The following FUT8 variants were observed in gnomAD, a reference collection of about 807,000 sequenced individuals.
The protein encoded by FUT8 is fucosyltransferase 8.
In FUT8, 29 loss-of-function variants were observed where a neutral mutation model predicts 71.3. The ratio of observed to expected loss-of-function variants is 0.41; its 90% CI spans 0.30 to 0.55. FUT8 has a LOEUF of 0.55. FUT8 is among the 20% of genes least tolerant of loss of function. The pLI, the probability that FUT8 is intolerant of heterozygous loss-of-function variation, is 0.34. For synonymous variants in FUT8, 254 were observed against 239.3 expected, an observed-to-expected ratio of 1.06 and a Z score of -0.57; for missense variants, 544 against 702.1, an observed-to-expected ratio of 0.77 and a Z score of 2.55.
intron 7 of FUT8, among the ~76,000 whole-genome samples, chr14:65,717,128 C>T (rs1332509236): frequency 5.0e-5 from 7 of 140,670 alleles, no homozygotes; most frequent in African/African-American, 8.1e-5. Context: ...CGGGCAGAGG[C>T]GCTCCTCATT....
rs2229677 is a variant in FUT8, at chr14:65,561,728, A to T, written c.165A>T (p.Gln55His). Residue 55 changes from glutamine (Q) to histidine (H), a missense_variant, in exon 3 of 11, where the codon CAA becomes CAT. By Grantham distance (24) the Gln-to-His change is conservative (BLOSUM62 0). Transcript: ENST00000673929. ...TGGCAAAGCTTGAACGCTTAAAACA[A>T]CAGAATGAAGACTTGAGGCGAATGG... ...KILAKLERLK[Q>H]QNEDLRRMAE... 6.2e-7 allele frequency: 1 copy of T among 1,613,188 alleles called. No individual in the cohort carries two copies. The highest frequency in any genetic ancestry group is 8.5e-7 in the Non-Finnish European group (1 of 1,179,528).
chr14:65,654,279 C>G (rs1891552212), intron 6 of FUT8, among the ~76,000 whole-genome samples: 1 of 152,066 alleles, frequency 6.6e-6, no homozygotes. Flanking sequence ...ATAATTATCC[C>G]TAGATTAACT....
chr14:65,508,991 C>A (rs182940864), intron 2 of FUT8, among the ~76,000 whole-genome samples: 1 of 152,022 alleles, frequency 6.6e-6, no homozygotes, highest in Admixed American at 6.6e-5. Context: ...CTTAAGAAAT[C>A]ATTGCCCAGA....
At chr14:65,443,111 A>C (rs767006855) in intron 1 of FUT8, among the ~76,000 whole-genome samples, 3 of 152,156 alleles carry the variant, frequency 2.0e-5, no homozygotes, top group Non-Finnish European at 4.4e-5. Flanking sequence ...AAACTGTTCT[A>C]AAAAATGAAG....
Position 65,489,046 on chromosome 14 carries a change from G to A in FUT8, c.-228+33328G>A, listed in dbSNP as rs989144026. The stretch of plus-strand genomic sequence containing the variant: ...TGAGGCTCTCATGGTAAATGTGTCA[G>A]ATATAGTCAATATTTTAGTATTGTC... On this transcript the variant is annotated intron_variant, in intron 2 of 10. Coordinates refer to ENST00000673929, the MANE Select transcript of FUT8 (RefSeq NM_001371533.1). The surrounding 1 kb of genome is among the most constrained non-coding windows in gnomAD (Gnocchi z 4.0). Among the ~76,000 whole-genome samples the A allele has an allele frequency of 6.6e-6, 1 of 152,146 alleles. No homozygotes were observed. The highest frequency in any genetic ancestry group is 1.5e-5 in the Non-Finnish European group (1 of 68,012).
the FUT8 span, among the ~76,000 whole-genome samples, chr14:65,373,903 G>A: frequency 1.3e-5 from 2 of 152,186 alleles, no homozygotes; most frequent in African/African-American, 4.8e-5. Context: ...GCAGAATCCT[G>A]CAGGAGTGGG....
At chr14:65,651,417 T>A (rs894570512) in intron 6 of FUT8, among the ~76,000 whole-genome samples, 4 of 152,246 alleles carry the variant, frequency 2.6e-5, no homozygotes, top group African/African-American at 4.8e-5. Context: ...CCATAAAAGT[T>A]GGCTAAGACA....
intron 2 of FUT8, among the ~76,000 whole-genome samples, chr14:65,523,241 TC>T (rs1566800413): frequency 6.6e-6 from 1 of 152,142 alleles, no homozygotes; most frequent in African/African-American, 2.4e-5. Flanking sequence ...ACCTGTTGTT[TC>T]CTGACTTTTT....
intron 6 of FUT8, among the ~76,000 whole-genome samples, chr14:65,655,940 G>C (rs182564087): frequency 6.6e-6 from 1 of 151,956 alleles, no homozygotes; most frequent in African/African-American, 2.4e-5. Flanking sequence ...CAAAAAACTC[G>C]GCATAAAGGG....
chr14:65,359,410 CGTT>C, the FUT8 span, among the ~76,000 whole-genome samples: 1 of 152,194 alleles, frequency 6.6e-6, no homozygotes, highest in Non-Finnish European at 1.5e-5. Flanking sequence ...AGTACATTCA[CGTT>C]GTTGTGCAAC....
chr14:65,549,688 T>C (rs1260595067), intron 2 of FUT8, among the ~76,000 whole-genome samples: 1 of 152,206 alleles, frequency 6.6e-6, no homozygotes, highest in African/African-American at 2.4e-5. Flanking sequence ...TCATTTGCCT[T>C]TTATCATTTG....
the FUT8 span, among the ~76,000 whole-genome samples, chr14:65,398,384 A>G: frequency 6.6e-6 from 1 of 152,152 alleles, no homozygotes; most frequent in Non-Finnish European, 1.5e-5. Context: ...TAAAAAAATT[A>G]CTTATTTATT....
intron 7 of FUT8, among the ~76,000 whole-genome samples, chr14:65,682,371 G>A (rs1893079672): frequency 6.6e-6 from 1 of 152,088 alleles, no homozygotes; most frequent in East Asian, 1.9e-4. Flanking sequence ...AGCTGGGCAT[G>A]GTGGCACATG....
chr14:65,502,978 A>G (rs2066670405), intron 2 of FUT8, among the ~76,000 whole-genome samples: 2 of 152,060 alleles, frequency 1.3e-5, no homozygotes, highest in African/African-American at 2.4e-5. Flanking sequence ...CTTGAGAACT[A>G]CTGGTTTGGC....
At chr14:65,556,770 T>C (rs1406723116) in intron 2 of FUT8, among the ~76,000 whole-genome samples, 5 of 152,212 alleles carry the variant, frequency 3.3e-5, no homozygotes, top group Non-Finnish European at 7.3e-5. Context: ...TATAAAATAA[T>C]GTAACAACGT....
At chr14:65,639,941 A>G (rs1053861831) in intron 6 of FUT8, among the ~76,000 whole-genome samples, 3 of 152,192 alleles carry the variant, frequency 2.0e-5, no homozygotes, top group African/African-American at 7.2e-5. Context: ...AAAATCATCA[A>G]ATAACCAGTT....
At chr14:65,384,685 G>C in the FUT8 span, among the ~76,000 whole-genome samples, 1 of 152,274 alleles carries the variant, frequency 6.6e-6, no homozygotes, top group South Asian at 2.1e-4. This position sits in a 1 kb window ranked among gnomAD's most constrained non-coding sequence, Gnocchi z 4.2. Context: ...TGTCTTGCAG[G>C]TAACAGGCAC....
intron 1 of FUT8, among the ~76,000 whole-genome samples, chr14:65,432,023 T>A (rs2065484516): frequency 6.6e-6 from 1 of 152,224 alleles, no homozygotes; most frequent in Admixed American, 6.5e-5. Flanking sequence ...AACTGTTCTT[T>A]CTGTTGTTAC....
Position 65,669,226 on chromosome 14 carries a change from C to G in FUT8, c.598-17C>G. 2 of 1,586,312 alleles carry G rather than the reference C, an allele frequency of 1.3e-6. No individual in the cohort carries two copies. Among genetic ancestry groups the G allele is most frequent in the Non-Finnish European group, 1.7e-6 (2 of 1,157,118 alleles). On this transcript the variant is annotated splice_polypyrimidine_tract_variant and intron_variant, in intron 6 of 10. Transcript: ENST00000673929. This position sits in a 1 kb window ranked among gnomAD's most constrained non-coding sequence, Gnocchi z 4.5. Reference sequence around the variant, plus strand: ...GTACAACTTATCTTTATTTTCATTTCTCTTTCTCCCTGACAGAATCCCAAG... The same window carrying G: ...GTACAACTTATCTTTATTTTCATTTGTCTTTCTCCCTGACAGAATCCCAAG...
Sources: gnomAD v4.1 joint callset for allele counts (sites outside exome capture counted in the v4.1 genomes callset) on GRCh38, gnomAD v4.1.1 for gene constraint, Gnocchi (gnomAD v3.1) non-coding constraint, MANE v1.5 for transcripts, NCBI Gene and HGNC (gene_info 2026-07-23, HGNC 2026-07-21) for gene names.